FSHR: variants seen among roughly 807,000 people sequenced by gnomAD.
FSHR encodes follicle stimulating hormone receptor, also known as follicle-stimulating hormone receptor.
Under a neutral mutation model 52.1 loss-of-function variants are expected in FSHR, and 46 were observed. The observed-to-expected ratio is 0.88, with a 90% CI of 0.70 to 1.13. The LOEUF (loss-of-function observed/expected upper bound fraction) is 1.13. Among genes scored for constraint, FSHR ranks in the 50% most tolerant of loss-of-function variants. The probability of loss-of-function intolerance (pLI) is 0.00; values close to 1 mark genes in which losing one functional copy is unlikely to be tolerated. For synonymous variants in FSHR, 399 were observed against 309.6 expected (o/e 1.29, Z -3.03); for missense variants, 964 against 834.6 (o/e 1.16, Z -1.91).
chr2:49,058,794 A>C (rs1669168902), intron 2 of FSHR, among the ~76,000 whole-genome samples: 1 of 152,234 alleles, frequency 6.6e-6, no homozygotes, highest in Middle Eastern at 3.2e-3. Context: ...TAATGAGGTA[A>C]ATTGAAAAGG....
chr2:49,061,755 T>TC (rs1558418366), intron 2 of FSHR, among the ~76,000 whole-genome samples: 14 of 126,530 alleles, frequency 1.1e-4, no homozygotes, highest in Admixed American at 3.5e-4. Context: ...TATAACTATT[T>TC]ATATATAACT....
chr2:48,982,242 G>A (rs1675283283), intron 8 of FSHR, among the ~76,000 whole-genome samples: 1 of 152,156 alleles, frequency 6.6e-6, no homozygotes, highest in Admixed American at 6.5e-5. Context: ...TTGATGGAAG[G>A]GGCAGTGTAG....
At chr2:49,021,622 CT>C (rs1288614086) in intron 2 of FSHR, among the ~76,000 whole-genome samples, 7 of 151,750 alleles carry the variant, frequency 4.6e-5, no homozygotes, top group Non-Finnish European at 8.8e-5. Context: ...GCATCTGTGA[CT>C]GGTGCATCTG....
At chr2:49,038,897 GAGA>G (rs1206105283) in intron 2 of FSHR, among the ~76,000 whole-genome samples, 2 of 152,018 alleles carry the variant, frequency 1.3e-5, no homozygotes, top group Non-Finnish European at 2.9e-5. Context: ...CAGAACAATA[GAGA>G]AGGAGAAAAG....
At chr2:49,061,833 TATATAA>T (rs567554756) in intron 2 of FSHR, among the ~76,000 whole-genome samples, 2,022 of 121,936 alleles carry the variant, frequency 0.017, 51 homozygotes, top group African/African-American at 0.051. Context: ...TATATATGTT[TATATAA>T]ATATAAATAT....
At chr2:49,052,219 T>G (rs1028824251) in intron 2 of FSHR, among the ~76,000 whole-genome samples, 5 of 152,130 alleles carry the variant, frequency 3.3e-5, no homozygotes, top group Admixed American at 2.0e-4. Context: ...TTAATCCCAA[T>G]CACACTAAAT....
chr2:48,986,579 G>A (rs1183718646), intron 6 of FSHR, among the ~76,000 whole-genome samples: 2 of 152,086 alleles, frequency 1.3e-5, no homozygotes, highest in African/African-American at 4.8e-5. Flanking sequence ...TTCCACAAAA[G>A]TGAGTTTATC....
At chr2:49,064,858 T>C (rs1669444897) in intron 2 of FSHR, among the ~76,000 whole-genome samples, 1 of 152,090 alleles carries the variant, frequency 6.6e-6, no homozygotes, top group African/African-American at 2.4e-5. Context: ...ACTTGGAAAG[T>C]TCTGGAAAAG....
intron 1 of FSHR, among the ~76,000 whole-genome samples, chr2:49,087,279 G>A (rs1055456458): frequency 1.3e-5 from 2 of 151,874 alleles, no homozygotes; most frequent in Non-Finnish European, 2.9e-5. Flanking sequence ...TCTACCTCAG[G>A]TGTACACAGT....
In FSHR at chr2:48,983,101, T is replaced by C. The variant is rs1237371579; in HGVS notation, c.590A>G (p.Glu197Gly). 2.2e-5 allele frequency: 35 copies of C among 1,613,884 alleles called. No homozygotes were observed. Among genetic ancestry groups the C allele is most frequent in the Non-Finnish European group, 2.9e-5 (34 of 1,179,876 alleles). The change falls in exon 7 of 10, where the codon GAG becomes GGG. Residue 197 changes from glutamate (E) to glycine (G), a missense_variant. Coordinates refer to ENST00000406846, the MANE Select transcript of FSHR (RefSeq NM_000145.4). The stretch of plus-strand genomic sequence containing the variant: ...AAGAATAGTCAGGGCTACTTACAGC[T>C]CATCTAGTTGGGTTCCATTGAATGC... The part of the protein sequence containing the change: ...NCAFNGTQLD[E>G]LNLSDNNNLE...
chr2:49,149,604 G>C (rs1386078059), intron 1 of FSHR, among the ~76,000 whole-genome samples: 1 of 151,934 alleles, frequency 6.6e-6, no homozygotes, highest in Admixed American at 6.6e-5. Flanking sequence ...ATCACAGAAC[G>C]CCTTGGTATA....
At chr2:49,007,785 T>C (rs1169115765) in intron 4 of FSHR, among the ~76,000 whole-genome samples, 1 of 152,144 alleles carries the variant, frequency 6.6e-6, no homozygotes, top group Non-Finnish European at 1.5e-5. Context: ...GAAACATTTA[T>C]TGTGAATGGA....
At chr2:49,016,582 T>G (rs1251222565) in intron 4 of FSHR, among the ~76,000 whole-genome samples, 2 of 152,162 alleles carry the variant, frequency 1.3e-5, no homozygotes, top group Admixed American at 1.3e-4. Flanking sequence ...CCAGTTGATC[T>G]GCCAATTAAC....
chr2:48,983,536 G>A (rs1385303851), intron 6 of FSHR, among the ~76,000 whole-genome samples: 3 of 152,168 alleles, frequency 2.0e-5, no homozygotes, highest in East Asian at 3.9e-4. Context: ...GACAGGAATC[G>A]TACAATTATT....
intron 2 of FSHR, among the ~76,000 whole-genome samples, chr2:49,036,022 C>A (rs984238105): frequency 2.6e-5 from 4 of 152,232 alleles, no homozygotes; most frequent in African/African-American, 9.6e-5. Context: ...TCTTTCTTCT[C>A]AAACCCATGA....
At chr2:48,991,846 G>T (rs1282477189) in intron 4 of FSHR, among the ~76,000 whole-genome samples, 1 of 152,164 alleles carries the variant, frequency 6.6e-6, no homozygotes, top group African/African-American at 2.4e-5. Context: ...GATGGAGGTG[G>T]TGATAGTTGC....
intron 5 of FSHR, among the ~76,000 whole-genome samples, chr2:48,989,265 T>G (rs1675658360): frequency 7.4e-6 from 1 of 134,920 alleles, no homozygotes; most frequent in South Asian, 2.5e-4. Flanking sequence ...ATTGCAGACA[T>G]TCAGTGTCTT....
chr2:49,083,464 A>G, intron 1 of FSHR, among the ~76,000 whole-genome samples: 1 of 150,068 alleles, frequency 6.7e-6, no homozygotes, highest in African/African-American at 2.5e-5. Context: ...AGCTAACATC[A>G]TAATGACAGG....
chr2:49,017,059 A>T (rs1667514979), intron 4 of FSHR, among the ~76,000 whole-genome samples: 1 of 152,222 alleles, frequency 6.6e-6, no homozygotes, highest in Non-Finnish European at 1.5e-5. Context: ...TGTGTTATTA[A>T]CGAAAACATA....
Sources: gnomAD v4.1 joint callset for allele counts (sites outside exome capture counted in the v4.1 genomes callset) on GRCh38, gnomAD v4.1.1 for gene constraint, MANE v1.5 for transcripts, NCBI Gene and HGNC (gene_info 2026-07-23, HGNC 2026-07-21) for gene names.